Variants in MAPK10 observed in about 807,000 individuals in gnomAD.
MAPK10 encodes JNK3 alpha protein kinase.
Under a neutral mutation model 59.3 loss-of-function variants are expected in MAPK10, and 25 were observed. That is an observed-to-expected ratio of 0.42 (90% CI 0.31 to 0.59). The LOEUF is 0.59. Ranked by LOEUF, MAPK10 falls within the 20% of genes least tolerant of loss-of-function variation. MAPK10 has a pLI of 0.15. For synonymous variants in MAPK10, 190 were observed against 200.5 expected (o/e 0.95, Z 0.44); for missense variants, 351 against 568.9 (o/e 0.62, Z 3.90).
chr4:86,224,121 C>G (rs2090176689), intron 2 of MAPK10, among the ~76,000 whole-genome samples: 2 of 152,126 alleles, frequency 1.3e-5, no homozygotes, highest in South Asian at 4.1e-4. Context: ...TTCTAATGAT[C>G]TGAGTGCACT....
chr4:86,222,963 C>T (rs2089950719), intron 2 of MAPK10, among the ~76,000 whole-genome samples: 1 of 152,206 alleles, frequency 6.6e-6, no homozygotes, highest in South Asian at 2.1e-4. Flanking sequence ...CCACACAGTA[C>T]AAGGCCTCAT....
chr4:86,425,614 G>A (rs577375819), intron 1 of MAPK10, among the ~76,000 whole-genome samples: 2 of 152,170 alleles, frequency 1.3e-5, no homozygotes, highest in African/African-American at 2.4e-5. Context: ...TTATTCCACA[G>A]CAATGTCACA....
In MAPK10 at chr4:86,015,827, A is replaced by C. The variant is rs556967841; in HGVS notation, c.*1401T>G. On this transcript the variant is annotated 3_prime_UTR_variant, in exon 14 of 14. Transcript: ENST00000641462. ...TCATACTTATTAAAATAAATAAATA[A>C]ACATGAAACATCAGCCACATTAAGG... The C allele has an allele frequency of 1.2e-4, 19 of 152,304 alleles. No individual in the cohort carries two copies. The highest frequency in any genetic ancestry group is 4.3e-4 in the African/African-American group (18 of 41,560). The allele number at this position is 152,304 out of a possible 1,614,324, so 9.4% of individuals were successfully genotyped here. A position where few individuals can be genotyped will look rare whatever the true frequency, so the allele number is the denominator to read the frequency against.
chr4:86,149,260 A>ATTTG (rs1270051369), intron 4 of MAPK10, among the ~76,000 whole-genome samples: 1 of 151,798 alleles, frequency 6.6e-6, no homozygotes, highest in African/African-American at 2.4e-5. Context: ...ATTGGATTTT[A>ATTTG]TTTGTTTATT....
intron 13 of MAPK10, among the ~76,000 whole-genome samples, chr4:86,021,024 G>A (rs893106679): frequency 3.3e-5 from 5 of 152,120 alleles, no homozygotes; most frequent in Admixed American, 1.3e-4. Context: ...GGTGCTGACT[G>A]GTGCATTTAC....
Position 86,281,762 on chromosome 4 carries a change from C to T in MAPK10, c.-7+72768G>A, listed in dbSNP as rs115563741. ...CCAGAACACAAGTTTTTCCTAGTCTCGGGATTGACAGTAAACAAAGGTAGA... is the reference window on the plus strand; with the variant it reads ...CCAGAACACAAGTTTTTCCTAGTCTTGGGATTGACAGTAAACAAAGGTAGA... On this transcript the variant is annotated intron_variant, in intron 2 of 13. Transcript: ENST00000641462. Among the ~76,000 whole-genome samples the T allele has an allele frequency of 6.2e-3, 939 of 151,796 alleles. 13 individuals are homozygous for T. The highest frequency in any genetic ancestry group is 0.022 in the African/African-American group (894 of 41,414).
Position 86,181,253 on chromosome 4 carries a change from A to G in MAPK10, c.66+13083T>C, listed in dbSNP as rs150336312. Reference sequence around the variant, plus strand: ...TGGTAAAATCAATAATCAATCAGTCAACGAGTAGATAAGGAGCCAAAAGGA... The same window carrying G: ...TGGTAAAATCAATAATCAATCAGTCGACGAGTAGATAAGGAGCCAAAAGGA... On this transcript the variant is annotated intron_variant, in intron 3 of 13. Transcript: ENST00000641462. Among the ~76,000 whole-genome samples, 555 of 152,232 alleles carry G rather than the reference A, an allele frequency of 3.6e-3. 12 individuals are homozygous for G. Among genetic ancestry groups the G allele is most frequent in the Non-Finnish European group, 1.1e-3 (78 of 67,992 alleles).
chr4:86,098,735 G>A, intron 8 of MAPK10, 140 bp from the exon 9 acceptor site: 1 of 690,686 alleles, frequency 1.4e-6, no homozygotes, highest in South Asian at 1.7e-5. Flanking sequence ...TGGCCAAAAT[G>A]TGAATTCAAA....
intron 13 of MAPK10, chr4:86,025,076 T>C (rs1469698403): frequency 6.5e-6 from 1 of 153,744 alleles, no homozygotes; most frequent in Non-Finnish European, 1.4e-5. Flanking sequence ...CCGTGCACTG[T>C]CTATGGTGTC....
chr4:86,364,786 G>A (rs1737567347), upstream of MAPK10, among the ~76,000 whole-genome samples: 3 of 152,028 alleles, frequency 2.0e-5, no homozygotes, highest in South Asian at 6.2e-4. Flanking sequence ...TTCCAGACCA[G>A]CTGTCCAACA....
intron 2 of MAPK10, chr4:86,219,922 T>G (rs1440556562): frequency 1.3e-5 from 2 of 152,184 alleles, no homozygotes; most frequent in African/African-American, 4.8e-5. Flanking sequence ...AATTATTTGC[T>G]TTAATATTTT....
rs1269251578 is a variant in MAPK10, at chr4:86,035,359, A to C, written c.1111-3928T>G. 4.0e-5 allele frequency among the ~76,000 whole-genome samples: 5 copies of C among 123,534 alleles called. No individual in the cohort carries two copies. The Admixed American group carries it at 4.6e-4, about 11-fold the overall frequency. 81.0% of individuals were successfully genotyped at this position (123,534 alleles called of 152,430 possible). On this transcript the variant is annotated intron_variant, in intron 11 of 13. Transcript: ENST00000641462. ...GCACTCCAGCCTGGGTGATAGAGTG[A>C]GACTCTGTCTCAAAAAAAAAAAAAA... is the stretch of plus-strand genomic sequence containing the variant.
intron 1 of MAPK10, among the ~76,000 whole-genome samples, chr4:86,366,479 G>C (rs569554555): frequency 6.6e-6 from 1 of 152,164 alleles, no homozygotes; most frequent in South Asian, 2.1e-4. Flanking sequence ...CAATAAGTTA[G>C]GGTTCCTAAA....
chr4:86,052,618 A>C (rs943496293), intron 11 of MAPK10, among the ~76,000 whole-genome samples: 27 of 152,124 alleles, frequency 1.8e-4, no homozygotes, highest in African/African-American at 5.8e-4. Flanking sequence ...GATCTGGTAC[A>C]GTTTCAGCAT....
At chr4:86,303,538 G>A (rs983052431) in intron 2 of MAPK10, among the ~76,000 whole-genome samples, 3 of 152,174 alleles carry the variant, frequency 2.0e-5, no homozygotes, top group South Asian at 2.1e-4. Context: ...ACACAGTAGC[G>A]AAAGTAGACT....
At chr4:86,313,965 A>G (rs1446185607) in intron 2 of MAPK10, among the ~76,000 whole-genome samples, 2 of 152,150 alleles carry the variant, frequency 1.3e-5, no homozygotes, top group East Asian at 3.9e-4. Flanking sequence ...GATAAAATAT[A>G]TTTGGATATA....
chr4:86,493,108 G>A (rs565723096), intron 1 of MAPK10, among the ~76,000 whole-genome samples: 34 of 152,256 alleles, frequency 2.2e-4, no homozygotes, highest in African/African-American at 7.9e-4. Flanking sequence ...TAAGGCAAAC[G>A]CTGAGTTGTA....
chr4:86,502,700 A>G (rs1160984930), intron 1 of MAPK10, among the ~76,000 whole-genome samples: 2 of 152,052 alleles, frequency 1.3e-5, no homozygotes, highest in Non-Finnish European at 2.9e-5. Context: ...TCTGGCACCT[A>G]TAATTAATAT....
At chr4:86,567,194 G>C (rs910292363) in intron 1 of MAPK10, among the ~76,000 whole-genome samples, 2 of 151,840 alleles carry the variant, frequency 1.3e-5, no homozygotes, top group East Asian at 3.9e-4. Flanking sequence ...TTTCATACTT[G>C]AAAACTCAGT....
Sources: gnomAD v4.1 joint callset for allele counts (sites outside exome capture counted in the v4.1 genomes callset) on GRCh38, gnomAD v4.1.1 for gene constraint, MANE v1.5 for transcripts, NCBI Gene and HGNC (gene_info 2026-07-23, HGNC 2026-07-21) for gene names.